The following PHLDB2 variants were observed in gnomAD, a reference collection of about 807,000 sequenced individuals.
PHLDB2 encodes pleckstrin homology like domain family B member 2.
In PHLDB2, 71 loss-of-function variants were observed where a neutral mutation model predicts 123.6. The ratio of observed to expected loss-of-function variants is 0.57; its 90% CI spans 0.47 to 0.70. The LOEUF is 0.70. Ranked by LOEUF, PHLDB2 falls within the 30% of genes least tolerant of loss-of-function variation. The pLI is 0.00. For synonymous variants in PHLDB2, 547 were observed against 541.6 expected, an observed-to-expected ratio of 1.01 and a Z score of -0.14; for missense variants, 1,446 against 1,519.5, an observed-to-expected ratio of 0.95 and a Z score of 0.80.
intron 1 of PHLDB2, among the ~76,000 whole-genome samples, chr3:111,741,095 A>T (rs2059596425): frequency 6.6e-6 from 1 of 152,194 alleles, no homozygotes; most frequent in African/African-American, 2.4e-5. Flanking sequence ...AATTGAACTG[A>T]ATTCCTATTA....
chr3:111,935,597 G>A (rs1400824035), intron 6 of PHLDB2, among the ~76,000 whole-genome samples: 4 of 152,124 alleles, frequency 2.6e-5, no homozygotes, highest in African/African-American at 9.7e-5. Flanking sequence ...ACAACAGGCT[G>A]TCTGGAAGCT....
chr3:111,932,995 A>G (rs2069232357), intron 6 of PHLDB2, among the ~76,000 whole-genome samples: 1 of 152,244 alleles, frequency 6.6e-6, no homozygotes, highest in Non-Finnish European at 1.5e-5. Context: ...AATGCAGCAT[A>G]GACTTTCTAG....
At chr3:111,918,203 A>G (rs1341784092) in intron 3 of PHLDB2, among the ~76,000 whole-genome samples, 2 of 152,194 alleles carry the variant, frequency 1.3e-5, no homozygotes, top group African/African-American at 4.8e-5. Context: ...TGTGTGTGTG[A>G]TCTACAATAT....
intron 17 of PHLDB2, 134 bp downstream of exon 17, chr3:111,973,951 G>T: frequency 4.0e-6 from 2 of 498,346 alleles, no homozygotes; most frequent in Non-Finnish European, 7.3e-6. Flanking sequence ...TGCTGGAAAA[G>T]TAAACATGAA....
intron 1 of PHLDB2, among the ~76,000 whole-genome samples, chr3:111,844,964 G>A (rs2063886541): frequency 6.6e-6 from 1 of 152,190 alleles, no homozygotes; most frequent in Admixed American, 6.5e-5. Flanking sequence ...TGTGTCTACA[G>A]AGAATATCAG....
At chr3:111,827,685 CAAAAAAAAAAAA>C (rs565813163) in intron 1 of PHLDB2, among the ~76,000 whole-genome samples, 94 of 73,204 alleles carry the variant, frequency 1.3e-3, no homozygotes, top group Non-Finnish European at 2.5e-3. Flanking sequence ...GAATCCGTCT[CAAAAAAAAAAAA>C]AAAAAAAAAA....
rs1381678427 is a variant in PHLDB2, at chr3:111,974,914, A to G, written c.*351A>G. On this transcript the variant is annotated 3_prime_UTR_variant, in exon 18 of 18. Transcript: ENST00000431670. ...AATATCTGTATGTACTTGGAAATACAGAATAACTTTATCACCCAAATCACT... is the reference window on the plus strand; with the variant it reads ...AATATCTGTATGTACTTGGAAATACGGAATAACTTTATCACCCAAATCACT... The G allele has an allele frequency of 2.5e-5, 4 of 161,974 alleles. No individual in the cohort carries two copies. Among genetic ancestry groups the G allele is most frequent in the African/African-American group, 9.5e-5 (4 of 41,916 alleles). The allele number at this position is 161,974 out of a possible 1,614,324, so 10.0% of individuals were successfully genotyped here.
chr3:111,916,707 GCTCA>G (rs970128819), intron 3 of PHLDB2: 6 of 152,072 alleles, frequency 3.9e-5, no homozygotes, highest in African/African-American at 1.4e-4. Flanking sequence ...CTGGAAAGTG[GCTCA>G]TCTTCCTCCT....
chr3:111,782,940 A>G (rs1355859590), intron 1 of PHLDB2, among the ~76,000 whole-genome samples: 2 of 152,092 alleles, frequency 1.3e-5, no homozygotes, highest in Non-Finnish European at 2.9e-5. Context: ...AGCTTGAATT[A>G]GTCTTGCATA....
At chr3:111,915,266 A>G (rs768744219) in intron 3 of PHLDB2, 3 of 152,212 alleles carry the variant, frequency 2.0e-5, no homozygotes, top group Non-Finnish European at 2.9e-5. Flanking sequence ...AATTTATCAC[A>G]TGGGCATTAT....
At chr3:111,822,423 T>C (rs1168515979) in intron 1 of PHLDB2, among the ~76,000 whole-genome samples, 3 of 151,990 alleles carry the variant, frequency 2.0e-5, no homozygotes, top group South Asian at 2.1e-4. Context: ...AGATACCTCT[T>C]AGACTCCTCT....
upstream of PHLDB2, among the ~76,000 whole-genome samples, chr3:111,857,863 A>T (rs958298809): frequency 2.0e-5 from 3 of 152,230 alleles, no homozygotes; most frequent in Non-Finnish European, 4.4e-5. Context: ...GTGGGAGTAT[A>T]AGTTAGTTCA....
upstream of PHLDB2, among the ~76,000 whole-genome samples, chr3:111,856,985 C>T (rs192334575): frequency 1.4e-3 from 216 of 152,242 alleles, no homozygotes; most frequent in African/African-American, 4.8e-3. Flanking sequence ...CTGAGCAACA[C>T]GGTGACATTG....
chr3:111,973,206 A>G (rs886954684), intron 16 of PHLDB2, among the ~76,000 whole-genome samples: 1 of 151,150 alleles, frequency 6.6e-6, no homozygotes, highest in Admixed American at 6.6e-5. Flanking sequence ...TGAAAGGACA[A>G]TAAATTATTT....
At chr3:111,784,083 A>G (rs2060588858) in intron 1 of PHLDB2, among the ~76,000 whole-genome samples, 1 of 152,176 alleles carries the variant, frequency 6.6e-6, no homozygotes, top group Non-Finnish European at 1.5e-5. Context: ...AGAACTGCCA[A>G]ATAACCAAAC....
intron 1 of PHLDB2, among the ~76,000 whole-genome samples, chr3:111,791,350 G>A (rs2060916210): frequency 6.6e-6 from 1 of 152,164 alleles, no homozygotes; most frequent in African/African-American, 2.4e-5. Flanking sequence ...ATGACAAGAT[G>A]ATTCTGTTTT....
rs762028335 is a variant in PHLDB2 at position 111,885,297 on chromosome 3, C to T, written c.1220C>T (p.Pro407Leu). The change falls in exon 2 of 18, where the codon CCT becomes CTT. Residue 407 changes from proline (P) to leucine (L), a missense_variant. Physicochemically the swap from Pro to Leu is moderately conservative, Grantham distance 98. This residue lies in a region of PHLDB2 where 832 missense variants were observed against 831.9 expected (regional missense o/e 1.00). Transcript: ENST00000431670. ...AGACAGGCCTCAGGAACCCCCCAGC[C>T]TGCCCTTCGGGAACGGAAAAGCAGT... ...SLRQASGTPQPALRERKSSIS... is the reference protein window; with the variant it reads ...SLRQASGTPQLALRERKSSIS... The T allele has an allele frequency of 3.1e-6, 5 of 1,614,194 alleles. No individual in the cohort carries two copies. The Admixed American group carries it at 6.7e-5, about 22-fold the overall frequency.
At chr3:111,883,327 G>A (rs2066022484) in intron 1 of PHLDB2, among the ~76,000 whole-genome samples, 1 of 151,928 alleles carries the variant, frequency 6.6e-6, no homozygotes, top group South Asian at 2.1e-4. Context: ...CCTGATAGTT[G>A]TTTCTGCTAG....
At chr3:111,909,271 T>C (rs2067738615) in intron 2 of PHLDB2, among the ~76,000 whole-genome samples, 1 of 152,186 alleles carries the variant, frequency 6.6e-6, no homozygotes, top group African/African-American at 2.4e-5. Flanking sequence ...ACTGCTTTTA[T>C]AAGTGATCAC....
Sources: allele counts gnomAD v4.1 joint callset (sites outside exome capture counted in the v4.1 genomes callset), GRCh38; gene constraint gnomAD v4.1.1; regional missense constraint gnomAD v4.1.1; transcripts MANE v1.5; gene names NCBI Gene and HGNC (gene_info 2026-07-23, HGNC 2026-07-21).